Variants in RSRC1 observed in about 807,000 individuals in gnomAD.
The protein encoded by RSRC1 is serine/Arginine-related protein 53.
RSRC1 carries 39 observed loss-of-function variants against 49.1 expected under a neutral mutation model. The observed-to-expected ratio is 0.79, with a 90% CI of 0.61 to 1.04. The LOEUF (loss-of-function observed/expected upper bound fraction) is 1.04, where lower values mean the gene tolerates loss of function less well. Ranked by LOEUF, RSRC1 falls within the 50% of genes least tolerant of loss-of-function variation. The pLI, the probability that RSRC1 is intolerant of heterozygous loss-of-function variation, is 0.00. For synonymous variants in RSRC1, 143 were observed against 130.8 expected, an observed-to-expected ratio of 1.09 and a Z score of -0.63; for missense variants, 388 against 402.4, an observed-to-expected ratio of 0.96 and a Z score of 0.31.
At chr3:158,488,324 TCTTA>T (rs1216452004) in intron 7 of RSRC1, among the ~76,000 whole-genome samples, 1 of 152,196 alleles carries the variant, frequency 6.6e-6, no homozygotes, top group Non-Finnish European at 1.5e-5. Context: ...GCTTTGTTTT[TCTTA>T]CTGTTATGTA....
chr3:158,414,495 G>A (rs1039690021), intron 6 of RSRC1, among the ~76,000 whole-genome samples: 1 of 152,004 alleles, frequency 6.6e-6, no homozygotes, highest in Admixed American at 6.6e-5. Context: ...ACCCACTGTG[G>A]CACATGTTTA....
intron 7 of RSRC1, among the ~76,000 whole-genome samples, chr3:158,513,325 AG>A (rs1740294660): frequency 1.3e-5 from 2 of 152,026 alleles, no homozygotes; most frequent in Non-Finnish European, 2.9e-5. Flanking sequence ...TTTAGCATGA[AG>A]GGTTGTTGAA....
chr3:158,299,448 C>G (rs1421987093), intron 5 of RSRC1, among the ~76,000 whole-genome samples: 1 of 151,926 alleles, frequency 6.6e-6, no homozygotes, highest in Non-Finnish European at 1.5e-5. Flanking sequence ...ATTCTTCTGC[C>G]TCAGCCTCCC....
intron 6 of RSRC1, among the ~76,000 whole-genome samples, chr3:158,392,501 AT>A (rs1733369708): frequency 6.6e-6 from 1 of 152,042 alleles, no homozygotes; most frequent in South Asian, 2.1e-4. Flanking sequence ...AATATTTAAT[AT>A]TTTTTCCAAG....
chr3:158,453,233 G>C (rs971728059), intron 6 of RSRC1, among the ~76,000 whole-genome samples: 1 of 151,764 alleles, frequency 6.6e-6, no homozygotes, highest in Admixed American at 6.6e-5. Context: ...AAACTCTTGT[G>C]CACACATTTT....
At chr3:158,265,947 T>C (rs1193794156) in intron 4 of RSRC1, among the ~76,000 whole-genome samples, 3 of 152,158 alleles carry the variant, frequency 2.0e-5, no homozygotes, top group Non-Finnish European at 2.9e-5. Context: ...TAAAACACTT[T>C]GCCATGTTGA....
chr3:158,340,533 T>C (rs1730173184), intron 5 of RSRC1, among the ~76,000 whole-genome samples: 1 of 151,384 alleles, frequency 6.6e-6, no homozygotes, highest in African/African-American at 2.4e-5. Context: ...AGAGCAAGAG[T>C]CCGTCTCAAA....
At chr3:158,328,857 A>G (rs1388427289) in intron 5 of RSRC1, among the ~76,000 whole-genome samples, 2 of 152,180 alleles carry the variant, frequency 1.3e-5, no homozygotes, top group Non-Finnish European at 2.9e-5. Context: ...CATTCTCCCC[A>G]TCACTTTCAG....
At chr3:158,323,913 T>A (rs1345054618) in intron 5 of RSRC1, among the ~76,000 whole-genome samples, 2 of 151,128 alleles carry the variant, frequency 1.3e-5, no homozygotes, top group East Asian at 3.9e-4. Context: ...ACATCTTTAT[T>A]CTGTGCATCC....
At chr3:158,457,315 A>G (rs571033418) in intron 6 of RSRC1, among the ~76,000 whole-genome samples, 2 of 152,314 alleles carry the variant, frequency 1.3e-5, no homozygotes, top group South Asian at 4.1e-4. Context: ...ATCAGCTGGT[A>G]CTGCATAAGG....
In RSRC1 at chr3:158,516,674, G is replaced by C. The variant is rs182917068; in HGVS notation, c.653-20418G>C. Reference sequence around the variant, plus strand: ...GTTTACCTAAGCAAGCCTGGGCAATGGTGGGCGCCCCTTCCCCAGCCTCGT... The same window carrying C: ...GTTTACCTAAGCAAGCCTGGGCAATCGTGGGCGCCCCTTCCCCAGCCTCGT... On this transcript the variant is annotated intron_variant, in intron 7 of 9. Transcript: ENST00000611884. Among the ~76,000 whole-genome samples the C allele has an allele frequency of 4.7e-3, 710 of 152,352 alleles. 8 individuals carry two copies. The highest frequency in any genetic ancestry group is 0.016 in the African/African-American group (680 of 41,588).
At chr3:158,121,460 T>C (rs1715254952) in intron 1 of RSRC1, among the ~76,000 whole-genome samples, 1 of 152,188 alleles carries the variant, frequency 6.6e-6, no homozygotes, top group South Asian at 2.1e-4. Flanking sequence ...AGCTGACTGA[T>C]TTCTCAATAA....
At chr3:158,337,789 G>A (rs541116467) in intron 5 of RSRC1, among the ~76,000 whole-genome samples, 4 of 152,204 alleles carry the variant, frequency 2.6e-5, no homozygotes, top group South Asian at 4.2e-4. Context: ...AGGTAGCCTC[G>A]ATGTAAAATC....
intron 4 of RSRC1, among the ~76,000 whole-genome samples, chr3:158,245,715 C>T (rs1723849952): frequency 6.6e-6 from 1 of 152,120 alleles, no homozygotes. Flanking sequence ...GCATTGGGTG[C>T]ATATGTATGT....
rs1268834529 is a variant in RSRC1 at position 158,513,165 on chromosome 3, G to A, written c.653-23927G>A. On this transcript the variant is annotated intron_variant, in intron 7 of 9. Coordinates refer to ENST00000611884, the MANE Select transcript of RSRC1 (RefSeq NM_001271838.2). ...TTCCAACACTGTGTTGAATAGGAGT[G>A]GTGAGAGAGGGCATCCCTGTCTTGT... 7.3e-3 allele frequency among the ~76,000 whole-genome samples: 1,102 copies of A among 149,934 alleles called. 13 individuals are homozygous for A. The highest frequency in any genetic ancestry group is 0.025 in the African/African-American group (1,027 of 40,390).
Position 158,203,254 on chromosome 3 carries a change from G to T in RSRC1, c.494+9G>T. The T allele has an allele frequency of 6.4e-7, 1 of 1,566,080 alleles. No individual in the cohort carries two copies. Among genetic ancestry groups the T allele is most frequent in the South Asian group, 1.2e-5 (1 of 85,180 alleles). ...CATAACATCAAACGTGGGTAAGTTG[G>T]AGCAAATCTTATCTGGTAAGGACTT... On this transcript the variant is annotated intron_variant, in intron 4 of 9. Coordinates refer to ENST00000611884, the MANE Select transcript of RSRC1 (RefSeq NM_001271838.2).
chr3:158,456,759 G>A (rs940077951), intron 6 of RSRC1, among the ~76,000 whole-genome samples: 6 of 152,134 alleles, frequency 3.9e-5, no homozygotes, highest in Non-Finnish European at 8.8e-5. Flanking sequence ...CTGTGGCCCA[G>A]CAAGGCTAGA....
At chr3:158,202,570 A>ATATATATATATATATATG (rs1559941235) in intron 3 of RSRC1, among the ~76,000 whole-genome samples, 1 of 139,212 alleles carries the variant, frequency 7.2e-6, no homozygotes, top group African/African-American at 2.8e-5. Flanking sequence ...GATTATATAT[A>ATATATATATATATATATG]TATATATATA....
intron 6 of RSRC1, among the ~76,000 whole-genome samples, chr3:158,410,079 G>A (rs1306817082): frequency 2.0e-5 from 3 of 152,086 alleles, no homozygotes; most frequent in Non-Finnish European, 4.4e-5. Context: ...CAGTAAAATG[G>A]TTTCTTAACA....
Sources: allele counts gnomAD v4.1 joint callset (sites outside exome capture counted in the v4.1 genomes callset), GRCh38; gene constraint gnomAD v4.1.1; transcripts MANE v1.5; gene names NCBI Gene and HGNC (gene_info 2026-07-23, HGNC 2026-07-21).